SLIT3: variants seen among roughly 807,000 people sequenced by gnomAD.
SLIT3 encodes the protein slit guidance ligand 3.
SLIT3 carries 68 observed loss-of-function variants against 184.0 expected under a neutral mutation model. The observed-to-expected ratio is 0.37, with a 90% CI of 0.30 to 0.45. SLIT3 has a LOEUF of 0.45. SLIT3 is among the 20% of genes least tolerant of loss of function. The pLI, the probability that SLIT3 is intolerant of heterozygous loss-of-function variation, is 1.00. For synonymous variants in SLIT3, 831 were observed against 828.6 expected (o/e 1.00, Z -0.05); for missense variants, 1,707 against 2,026.0 (o/e 0.84, Z 3.02).
chr5:168,886,041 C>A (rs1175568935), intron 4 of SLIT3, among the ~76,000 whole-genome samples: 1 of 152,200 alleles, frequency 6.6e-6, no homozygotes, highest in Non-Finnish European at 1.5e-5. Context: ...TTTACGGAGC[C>A]AGTTGAAACA....
At chr5:169,213,287 G>C (rs10056092) in intron 3 of SLIT3, among the ~76,000 whole-genome samples, 46,418 of 151,852 alleles carry the variant, frequency 0.31, 8,074 homozygotes, top group East Asian at 0.69. Context: ...AGGAGAACCA[G>C]AAACCACTGC....
At chr5:168,895,945 G>C (rs1760644457) in intron 4 of SLIT3, among the ~76,000 whole-genome samples, 1 of 152,232 alleles carries the variant, frequency 6.6e-6, no homozygotes, top group Admixed American at 6.5e-5. Flanking sequence ...AAATTCATTA[G>C]TGACAAATGT....
intron 6 of SLIT3, among the ~76,000 whole-genome samples, chr5:168,830,005 TCA>T (rs1757828315): frequency 6.6e-6 from 1 of 152,172 alleles, no homozygotes; most frequent in African/African-American, 2.4e-5. Flanking sequence ...GCCACTCTTC[TCA>T]GTCTTGCTGG....
intron 20 of SLIT3, among the ~76,000 whole-genome samples, chr5:168,744,144 C>G (rs1763725514): frequency 1.3e-5 from 2 of 152,094 alleles, no homozygotes; most frequent in Admixed American, 1.3e-4. Context: ...AAAAAATTAG[C>G]CGGGCGTGGT....
At chr5:169,128,629 C>T (rs1761173383) in intron 4 of SLIT3, among the ~76,000 whole-genome samples, 1 of 152,068 alleles carries the variant, frequency 6.6e-6, no homozygotes, top group Non-Finnish European at 1.5e-5. Context: ...CGAGGTTTCA[C>T]CATCTTGGCC....
intron 3 of SLIT3, among the ~76,000 whole-genome samples, chr5:169,226,644 G>T (rs556419217): frequency 2.0e-5 from 3 of 150,704 alleles, no homozygotes; most frequent in African/African-American, 7.2e-5. Flanking sequence ...AGACACAGTA[G>T]GTGTTTAATA....
At position 168,669,968 on chromosome 5, in the gene SLIT3, G is replaced by A. The variant is rs183773709; in HGVS notation, c.4151C>T (p.Ala1384Val). The A allele has an allele frequency of 1.9e-6, 3 of 1,614,146 alleles. No homozygotes were observed. The African/African-American group carries it at 4.0e-5, about 22-fold the overall frequency. Residue 1384 changes from alanine to valine, a missense_variant, in exon 35 of 36, where the codon GCA becomes GTA. By Grantham distance (64) the Ala-to-Val change is moderately conservative. This residue lies in a region of SLIT3 where 387 missense variants were observed against 477.9 expected (regional missense o/e 0.81). Coordinates refer to ENST00000519560, the MANE Select transcript of SLIT3 (RefSeq NM_003062.4). ...GHRCHHGKCV[A>V]TGTSYMCKCA... Reference sequence around the variant, plus strand: ...CTTGCACATGTATGAGGTCCCAGTTGCCACACATTTTCCATGGTGGCATCT... The same window carrying A: ...CTTGCACATGTATGAGGTCCCAGTTACCACACATTTTCCATGGTGGCATCT...
intron 4 of SLIT3, among the ~76,000 whole-genome samples, chr5:168,884,549 G>GATAGATATATATATATATATATATAT (rs1554153412): frequency 2.4e-5 from 1 of 41,152 alleles, no homozygotes; most frequent in Non-Finnish European, 4.1e-5. Context: ...CCAATTACGA[G>GATAGATATATATATATATATATATAT]ATATATATAT....
chr5:169,198,371 G>A (rs1316952230), intron 3 of SLIT3, among the ~76,000 whole-genome samples: 2 of 152,168 alleles, frequency 1.3e-5, no homozygotes, highest in Non-Finnish European at 2.9e-5. Context: ...AGGAGACAGA[G>A]GTGGAGACTT....
At chr5:169,135,519 A>T (rs1362752635) in intron 4 of SLIT3, among the ~76,000 whole-genome samples, 1 of 152,076 alleles carries the variant, frequency 6.6e-6, no homozygotes, top group Non-Finnish European at 1.5e-5. Flanking sequence ...TAGCACAGAA[A>T]CTAGCAGGAA....
At chr5:168,943,046 G>C (rs1254176262) in intron 4 of SLIT3, among the ~76,000 whole-genome samples, 2 of 152,256 alleles carry the variant, frequency 1.3e-5, no homozygotes, top group South Asian at 2.1e-4. Flanking sequence ...TGAGGTCCAA[G>C]AAAGTAAGGT....
chr5:168,775,918 T>A (rs1180824536), intron 12 of SLIT3, among the ~76,000 whole-genome samples: 3 of 152,172 alleles, frequency 2.0e-5, no homozygotes, highest in Non-Finnish European at 4.4e-5. Flanking sequence ...CACATTGAGA[T>A]CCTAAGAATT....
intron 4 of SLIT3, among the ~76,000 whole-genome samples, chr5:168,954,108 C>T (rs761085554): frequency 7.9e-5 from 12 of 152,056 alleles, no homozygotes; most frequent in African/African-American, 1.4e-4. Context: ...GATGATCAAG[C>T]GTCGGGAGGA....
At chr5:168,867,884 G>T (rs889260754) in intron 5 of SLIT3, among the ~76,000 whole-genome samples, 1 of 152,136 alleles carries the variant, frequency 6.6e-6, no homozygotes, top group Non-Finnish European at 1.5e-5. Context: ...CACATCCTTG[G>T]CCTGCAGCAG....
intron 1 of SLIT3, among the ~76,000 whole-genome samples, chr5:169,287,328 C>A (rs1263637925): frequency 6.6e-6 from 1 of 152,162 alleles, no homozygotes; most frequent in Admixed American, 6.5e-5. Flanking sequence ...ATCTGCCATC[C>A]CGAGTCACCC....
At chr5:169,126,647 A>G (rs1761091057) in intron 4 of SLIT3, among the ~76,000 whole-genome samples, 1 of 152,200 alleles carries the variant, frequency 6.6e-6, no homozygotes, top group African/African-American at 2.4e-5. Flanking sequence ...TGCTCCCTTG[A>G]CACGACAACA....
chr5:168,710,181 CAGAT>C (rs1762509044), intron 25 of SLIT3: 1 of 152,088 alleles, frequency 6.6e-6, no homozygotes, highest in African/African-American at 2.4e-5. Flanking sequence ...ATTCTGGAAT[CAGAT>C]GGACCTGGAA....
intron 4 of SLIT3, among the ~76,000 whole-genome samples, chr5:169,052,155 A>G (rs1757839780): frequency 6.6e-6 from 1 of 151,540 alleles, no homozygotes; most frequent in South Asian, 2.1e-4. Flanking sequence ...CCCCCATCCC[A>G]CATTTGGTTA....
chr5:168,849,786 G>A (rs28590374), intron 5 of SLIT3, among the ~76,000 whole-genome samples: 2,124 of 152,274 alleles, frequency 0.014, 52 homozygotes, highest in African/African-American at 0.049. Flanking sequence ...CATATTTGAA[G>A]TATTCTTTTT....
Sources: gnomAD v4.1 joint callset for allele counts (sites outside exome capture counted in the v4.1 genomes callset) on GRCh38, gnomAD v4.1.1 for gene constraint, gnomAD v4.1.1 regional missense constraint, MANE v1.5 for transcripts, NCBI Gene and HGNC (gene_info 2026-07-23, HGNC 2026-07-21) for gene names.